Variants in PTPN3 observed in about 807,000 individuals in gnomAD.
The protein encoded by PTPN3 is tyrosine-protein phosphatase non-receptor type 3.
PTPN3 carries 96 observed loss-of-function variants against 132.7 expected under a neutral mutation model. The observed-to-expected ratio is 0.72, with a 90% CI of 0.61 to 0.86. The LOEUF is 0.86. Ranked by LOEUF, PTPN3 falls within the 40% of genes least tolerant of loss-of-function variation. The pLI, the probability that PTPN3 is intolerant of heterozygous loss-of-function variation, is 0.00. For missense variants in PTPN3, 1,125 were observed against 1,159.6 expected (o/e 0.97, Z 0.43); for synonymous variants, 398 against 429.0 (o/e 0.93, Z 0.89).
At chr9:109,479,254 T>A (rs936003481) in intron 1 of PTPN3, among the ~76,000 whole-genome samples, 2 of 152,222 alleles carry the variant, frequency 1.3e-5, no homozygotes, top group Non-Finnish European at 2.9e-5. Flanking sequence ...ATTTGCCTAG[T>A]CTAGATACAT....
At chr9:109,402,652 T>C (rs1174176042) in intron 19 of PTPN3, among the ~76,000 whole-genome samples, 1 of 152,240 alleles carries the variant, frequency 6.6e-6, no homozygotes, top group East Asian at 1.9e-4. Flanking sequence ...TATTTCCCTT[T>C]GTAGAATACT....
the PTPN3 span, chr9:109,533,530 T>C: frequency 1.3e-5 from 21 of 1,600,068 alleles, no homozygotes; most frequent in African/African-American, 2.0e-4. Context: ...TCTCACCTCG[T>C]TGATTTTCTT....
intron 9 of PTPN3, 88 bp from the exon 10 acceptor site, chr9:109,433,249 T>TA: frequency 6.5e-7 from 1 of 1,543,928 alleles, no homozygotes; most frequent in Non-Finnish European, 8.7e-7. Flanking sequence ...CTGTTATAAA[T>TA]AGTCATATGT....
chr9:109,416,956 G>A (rs562513522), intron 14 of PTPN3, among the ~76,000 whole-genome samples: 4 of 152,182 alleles, frequency 2.6e-5, no homozygotes, highest in Non-Finnish European at 4.4e-5. Flanking sequence ...GCTCTACAAT[G>A]TGTTTCCCCC....
At chr9:109,450,004 AG>A (rs1379920197) in intron 5 of PTPN3, 2 of 983,014 alleles carry the variant, frequency 2.0e-6, no homozygotes, top group African/African-American at 3.5e-5. Flanking sequence ...CCATTTTTAC[AG>A]ATGACAAAAT....
the PTPN3 span, among the ~76,000 whole-genome samples, chr9:109,509,257 T>C: frequency 1.3e-5 from 2 of 152,208 alleles, no homozygotes; most frequent in Non-Finnish European, 2.9e-5. Flanking sequence ...TAGAATTGTA[T>C]ATAGTGCAGT....
chr9:109,429,686 C>T (rs1156861351), intron 10 of PTPN3, among the ~76,000 whole-genome samples: 1 of 152,128 alleles, frequency 6.6e-6, no homozygotes, highest in Non-Finnish European at 1.5e-5. Flanking sequence ...TTTTGCGGAG[C>T]CAACTGTGTG....
chr9:109,424,499 G>A (rs181732128), intron 12 of PTPN3, among the ~76,000 whole-genome samples: 4 of 152,330 alleles, frequency 2.6e-5, no homozygotes, highest in East Asian at 3.9e-4. Context: ...CAACAGAGTC[G>A]CTGTGCCAGT....
At position 109,422,889 on chromosome 9, in the gene PTPN3, C is replaced by T. The variant is rs113718920; in HGVS notation, c.1002-37G>A. 1,879 of 1,599,522 alleles carry T rather than the reference C, an allele frequency of 1.2e-3. 17 individuals are homozygous for T. In the African/African-American group the frequency reaches 0.021, roughly 18 times the overall value. On this transcript the variant is annotated intron_variant, in intron 12 of 25. Coordinates refer to ENST00000374541, the MANE Select transcript of PTPN3 (RefSeq NM_002829.4). ...GATGCAGGTTCACTTTCTACACTGACGTTCAACAGGAAAGAAATTACTGCA... is the reference window on the plus strand; with the variant it reads ...GATGCAGGTTCACTTTCTACACTGATGTTCAACAGGAAAGAAATTACTGCA...
At chr9:109,524,274 C>T in the PTPN3 span, among the ~76,000 whole-genome samples, 2 of 110,490 alleles carry the variant, frequency 1.8e-5, no homozygotes, top group African/African-American at 3.6e-5. Flanking sequence ...ACAAACCAAC[C>T]CAGCTGCCAT....
At chr9:109,480,293 T>C (rs560423163) in intron 1 of PTPN3, among the ~76,000 whole-genome samples, 70 of 152,230 alleles carry the variant, frequency 4.6e-4, no homozygotes, top group African/African-American at 1.6e-3. Context: ...TCAGTCTCCT[T>C]AGTAGCTGGG....
At chr9:109,387,009 G>A (rs1839642518) in intron 22 of PTPN3, among the ~76,000 whole-genome samples, 1 of 152,172 alleles carries the variant, frequency 6.6e-6, no homozygotes, top group African/African-American at 2.4e-5. Context: ...GAGTGGATGT[G>A]GGAAGTGAAG....
At chr9:109,494,316 A>C (rs1811487873) in intron 1 of PTPN3, among the ~76,000 whole-genome samples, 1 of 152,168 alleles carries the variant, frequency 6.6e-6, no homozygotes, top group Non-Finnish European at 1.5e-5. Flanking sequence ...ACAAAAAATA[A>C]AAAATTAGCT....
At chr9:109,521,802 G>A in the PTPN3 span, among the ~76,000 whole-genome samples, 3 of 152,210 alleles carry the variant, frequency 2.0e-5, no homozygotes, top group Admixed American at 6.5e-5. Context: ...GGGTGCTTGT[G>A]TTCATCCTTT....
In PTPN3 at chr9:109,436,879, A is replaced by G; in HGVS notation, c.675+4T>C. 1 of 1,611,612 alleles carries G rather than the reference A, an allele frequency of 6.2e-7. No homozygotes were observed. The highest frequency in any genetic ancestry group is 8.5e-7 in the Non-Finnish European group (1 of 1,179,176). On this transcript the variant is annotated splice_donor_region_variant and intron_variant, in intron 9 of 25. Transcript: ENST00000374541. ...TTGAGCCAAGACATAACAAGAATAC[A>G]TACCCTACCACTGTGCAGTTCTACT... is the stretch of plus-strand genomic sequence containing the variant.
the PTPN3 span, among the ~76,000 whole-genome samples, chr9:109,513,035 G>T: frequency 3.9e-5 from 6 of 152,128 alleles, no homozygotes; most frequent in Non-Finnish European, 8.8e-5. Context: ...TTGAAACAGG[G>T]TCTCACTCTG....
At chr9:109,404,675 C>A in intron 18 of PTPN3, 67 bp from the exon 19 acceptor site, 1 of 1,345,708 alleles carries the variant, frequency 7.4e-7, no homozygotes, top group East Asian at 2.7e-5. Flanking sequence ...CTCCCTCAAA[C>A]AAATCACACC....
intron 14 of PTPN3, among the ~76,000 whole-genome samples, chr9:109,416,448 T>C (rs1444877810): frequency 7.1e-6 from 1 of 140,608 alleles, no homozygotes; most frequent in Non-Finnish European, 1.5e-5. Flanking sequence ...TGTTTTTTTG[T>C]TTCTTTTTTT....
In PTPN3 at chr9:109,391,121, C is replaced by T; in HGVS notation, c.2106+17G>A. 6.2e-7 allele frequency: 1 copy of T among 1,606,168 alleles called. No individual in the cohort carries two copies. On this transcript the variant is annotated intron_variant, in intron 21 of 25. Transcript: ENST00000374541. ...TGGTGAATGTGCTCTTAAGCATCATCCAGATTCCTAACTTACGTTCACGTA... is the reference window on the plus strand; with the variant it reads ...TGGTGAATGTGCTCTTAAGCATCATTCAGATTCCTAACTTACGTTCACGTA...
Sources: allele counts gnomAD v4.1 joint callset (sites outside exome capture counted in the v4.1 genomes callset), GRCh38; gene constraint gnomAD v4.1.1; transcripts MANE v1.5; gene names NCBI Gene and HGNC (gene_info 2026-07-23, HGNC 2026-07-21).